Variants in HPSE2 observed in about 807,000 individuals in gnomAD.
HPSE2 encodes the protein heparanase 2 (inactive), also known as inactive heparanase-2.
In HPSE2, 38 loss-of-function variants were observed where a neutral mutation model predicts 60.5. That is an observed-to-expected ratio of 0.63 (90% CI 0.48 to 0.82). The LOEUF is 0.82. HPSE2 is among the 40% of genes least tolerant of loss of function. The pLI, the probability that HPSE2 is intolerant of heterozygous loss-of-function variation, is 0.00. For synonymous variants in HPSE2, 295 were observed against 293.2 expected (o/e 1.01, Z -0.06); for missense variants, 713 against 740.4 (o/e 0.96, Z 0.43).
At chr10:99,127,679 C>G (rs1439475835) in intron 3 of HPSE2, among the ~76,000 whole-genome samples, 1 of 152,144 alleles carries the variant, frequency 6.6e-6, no homozygotes, top group African/African-American at 2.4e-5. Flanking sequence ...AGATCATCAC[C>G]TAGGCACATA....
At chr10:98,780,644 A>C (rs1002177244) in intron 3 of HPSE2, among the ~76,000 whole-genome samples, 15 of 152,148 alleles carry the variant, frequency 9.9e-5, no homozygotes, top group Admixed American at 6.6e-5. Flanking sequence ...ATAGCCACAA[A>C]ATAGGCTTTT....
intron 3 of HPSE2, among the ~76,000 whole-genome samples, chr10:98,909,353 G>A (rs1265375543): frequency 7.4e-5 from 11 of 147,800 alleles, no homozygotes; most frequent in South Asian, 4.3e-4. Context: ...TTTTTTGGCC[G>A]GATACAGTGG....
intron 3 of HPSE2, among the ~76,000 whole-genome samples, chr10:98,887,049 G>A (rs1314984129): frequency 6.6e-6 from 1 of 152,112 alleles, no homozygotes; most frequent in Non-Finnish European, 1.5e-5. Flanking sequence ...TGCCTCAGAA[G>A]CTGTCACAAA....
intron 3 of HPSE2, among the ~76,000 whole-genome samples, chr10:99,096,533 A>G (rs1475414360): frequency 6.6e-6 from 1 of 152,176 alleles, no homozygotes; most frequent in Non-Finnish European, 1.5e-5. Context: ...CTTTATTAAA[A>G]CATCCCTCTA....
At chr10:99,195,891 A>T (rs144355209) in intron 2 of HPSE2, among the ~76,000 whole-genome samples, 69 of 152,210 alleles carry the variant, frequency 4.5e-4, no homozygotes, top group African/African-American at 1.6e-3. Flanking sequence ...AAAGACCAAG[A>T]ATAGCCAAAA....
intron 11 of HPSE2, among the ~76,000 whole-genome samples, chr10:98,473,688 TTAGGGTAGATATA>T (rs1231998772): frequency 1.3e-5 from 2 of 152,012 alleles, no homozygotes; most frequent in Non-Finnish European, 2.9e-5. Flanking sequence ...ACTAGAGCTT[TTAGGGTAGATATA>T]TAGAAAAATT....
At chr10:98,516,857 T>A (rs2133761066) in intron 9 of HPSE2, among the ~76,000 whole-genome samples, 1 of 152,116 alleles carries the variant, frequency 6.6e-6, no homozygotes, top group African/African-American at 2.4e-5. Context: ...AATGTGATAA[T>A]CAATGAAGCA....
intron 6 of HPSE2, among the ~76,000 whole-genome samples, chr10:98,691,308 G>C (rs966635972): frequency 1.3e-5 from 2 of 152,114 alleles, no homozygotes; most frequent in African/African-American, 4.8e-5. Context: ...TTGCTTTTTA[G>C]GGTATTTTTG....
chr10:98,581,907 T>C (rs906098598), intron 9 of HPSE2, among the ~76,000 whole-genome samples: 1 of 152,218 alleles, frequency 6.6e-6, no homozygotes, highest in African/African-American at 2.4e-5. Context: ...TTAGTAAATA[T>C]TGTACTCTAG....
intron 2 of HPSE2, among the ~76,000 whole-genome samples, chr10:99,175,711 G>A (rs1847498664): frequency 6.6e-6 from 1 of 152,314 alleles, no homozygotes; most frequent in South Asian, 2.1e-4. Flanking sequence ...AGACTTAAAC[G>A]TTCCTGCCTG....
In HPSE2 at chr10:98,813,718, G is replaced by A. The variant is rs116604160; in HGVS notation, c.611-69662C>T. On this transcript the variant is annotated intron_variant, in intron 3 of 11. Transcript: ENST00000370552. ...CACTTAAAGCAATATTTTCCAGTAT[G>A]ACAGTTCCCTGAACTTTTTATTTTG... 8.5e-3 allele frequency among the ~76,000 whole-genome samples: 1,297 copies of A among 152,238 alleles called. 15 individuals carry two copies. The highest frequency in any genetic ancestry group is 0.03 in the African/African-American group (1,239 of 41,552).
intron 4 of HPSE2, among the ~76,000 whole-genome samples, chr10:98,730,753 C>T (rs1023743395): frequency 2.0e-5 from 3 of 152,012 alleles, no homozygotes; most frequent in African/African-American, 7.2e-5. Flanking sequence ...TTAAAACTGA[C>T]TAAATAAGAC....
chr10:99,222,663 A>C (rs948774440), intron 2 of HPSE2, among the ~76,000 whole-genome samples: 30 of 152,116 alleles, frequency 2.0e-4, no homozygotes, highest in African/African-American at 7.2e-4. Context: ...ATCCATTTCT[A>C]TTATTCCCTT....
intron 3 of HPSE2, among the ~76,000 whole-genome samples, chr10:99,028,491 C>G (rs1957427463): frequency 2.0e-5 from 3 of 152,096 alleles, no homozygotes; most frequent in South Asian, 4.2e-4. Flanking sequence ...AAGAGGTCAT[C>G]AAAGAATGGA....
chr10:98,931,357 T>C lies in HPSE2; in HGVS notation c.611-187301A>G. On this transcript the variant is annotated intron_variant, in intron 3 of 11. Coordinates refer to ENST00000370552, the MANE Select transcript of HPSE2 (RefSeq NM_021828.5). ...CTGTTTTTGTACCAGTACCATGCTATTTTGGTTACTATGGCCTTGTAGTAC... is the reference window on the plus strand; with the variant it reads ...CTGTTTTTGTACCAGTACCATGCTACTTTGGTTACTATGGCCTTGTAGTAC... Among the ~76,000 whole-genome samples the C allele has an allele frequency of 1.4e-5, 2 of 144,376 alleles. 1 individual carries two copies. Among genetic ancestry groups the C allele is most frequent in the Non-Finnish European group, 3.0e-5 (2 of 67,258 alleles). 94.7% of individuals were successfully genotyped at this position (144,376 alleles called of 152,430 possible).
At chr10:98,884,272 C>A (rs1319258163) in intron 3 of HPSE2, among the ~76,000 whole-genome samples, 1 of 152,074 alleles carries the variant, frequency 6.6e-6, no homozygotes, top group Non-Finnish European at 1.5e-5. Context: ...CCAGATTAAG[C>A]AACAAGTCCT....
At chr10:98,973,040 ATTC>A (rs987558569) in intron 3 of HPSE2, among the ~76,000 whole-genome samples, 3 of 152,126 alleles carry the variant, frequency 2.0e-5, no homozygotes, top group Admixed American at 6.6e-5. Context: ...CTGCTTGTAT[ATTC>A]TTCTAGATTG....
At chr10:98,703,953 A>G (rs571892042) in intron 5 of HPSE2, among the ~76,000 whole-genome samples, 2 of 152,200 alleles carry the variant, frequency 1.3e-5, no homozygotes, top group Non-Finnish European at 2.9e-5. Context: ...AGAGTATTCA[A>G]ATAGGAAGAG....
chr10:99,288,008 T>C, the HPSE2 span, among the ~76,000 whole-genome samples: 1 of 152,218 alleles, frequency 6.6e-6, no homozygotes, highest in South Asian at 2.1e-4. Flanking sequence ...GGTCATGTCA[T>C]ATTTTGAATT....
Sources: allele counts gnomAD v4.1 joint callset (sites outside exome capture counted in the v4.1 genomes callset), GRCh38; gene constraint gnomAD v4.1.1; transcripts MANE v1.5; gene names NCBI Gene and HGNC (gene_info 2026-07-23, HGNC 2026-07-21).